SAE1: variants seen among roughly 807,000 people sequenced by gnomAD.
The protein encoded by SAE1 is SUMO1 activating enzyme subunit 1, also known as SUMO-activating enzyme subunit 1.
In SAE1, 11 loss-of-function variants were observed where a neutral mutation model predicts 40.6. The observed-to-expected ratio is 0.27, with a 90% CI of 0.17 to 0.45. SAE1 has a LOEUF of 0.45. Ranked by LOEUF, SAE1 falls within the 20% of genes least tolerant of loss-of-function variation. The pLI, the probability that SAE1 is intolerant of heterozygous loss-of-function variation, is 1.00. For missense variants in SAE1, 373 were observed against 427.3 expected (o/e 0.87, Z 1.12); for synonymous variants, 155 against 154.3 (o/e 1.00, Z -0.03).
At chr19:47,139,764 T>C (rs2058207107) in intron 1 of SAE1, among the ~76,000 whole-genome samples, 1 of 145,658 alleles carries the variant, frequency 6.9e-6, no homozygotes, top group African/African-American at 2.5e-5. Flanking sequence ...AATTTTTTTT[T>C]TTTTTTTTTT....
intron 2 of SAE1, among the ~76,000 whole-genome samples, chr19:47,149,764 C>T (rs893775132): frequency 6.6e-6 from 1 of 152,012 alleles, no homozygotes; most frequent in Non-Finnish European, 1.5e-5. Context: ...CTGCATAAGG[C>T]AAATTGCTAC....
intron 6 of SAE1, among the ~76,000 whole-genome samples, chr19:47,178,498 A>G (rs754153502): frequency 4.6e-4 from 70 of 152,314 alleles, no homozygotes; most frequent in Non-Finnish European, 8.5e-4. Context: ...TTTTTGAGAC[A>G]GAGTCTAGCT....
intron 5 of SAE1, among the ~76,000 whole-genome samples, chr19:47,164,253 C>G (rs144892207): frequency 0.013 from 1,925 of 152,240 alleles, 45 homozygotes; most frequent in African/African-American, 0.045. Context: ...ACTGCAAGCT[C>G]TGCCTCCTGG....
At chr19:47,135,229 A>G (rs1293340824) in intron 1 of SAE1, among the ~76,000 whole-genome samples, 2 of 152,110 alleles carry the variant, frequency 1.3e-5, no homozygotes, top group South Asian at 2.1e-4. Context: ...ATTATTGTTG[A>G]CTGTAGTCAC....
At chr19:47,150,128 A>G in intron 2 of SAE1, 74 bp from the exon 3 acceptor site, 4 of 1,155,640 alleles carry the variant, frequency 3.5e-6, no homozygotes, top group Non-Finnish European at 4.7e-6. Flanking sequence ...TATCCTTTAA[A>G]ATTTAAAGAT....
chr19:47,157,941 T>G (rs1303083112), intron 5 of SAE1, among the ~76,000 whole-genome samples: 1 of 152,178 alleles, frequency 6.6e-6, no homozygotes, highest in African/African-American at 2.4e-5. Flanking sequence ...TTTGTCACCT[T>G]GCAATAACAT....
chr19:47,189,609 TC>T lies in SAE1; in HGVS notation c.734-7623del, dbSNP rs1600203627. Among the ~76,000 whole-genome samples, 11 of 151,032 alleles carry T rather than the reference TC, an allele frequency of 7.3e-5. No individual in the cohort carries two copies. The East Asian group carries it at 1.9e-3, about 27-fold the overall frequency. ...AAAGTGAGCCAACCCTGGGGAGGAG[TC>T]TACGTTCAGCTGCAGGGAGCCAGGG... On this transcript the variant is annotated intron_variant, in intron 6 of 8. Transcript: ENST00000270225.
At chr19:47,196,617 C>G (rs307898) in intron 6 of SAE1, among the ~76,000 whole-genome samples, 7,125 of 151,468 alleles carry the variant, frequency 0.047, 504 homozygotes, top group African/African-American at 0.16. Context: ...CTGCCTCGGC[C>G]TCCCAAAGTG....
intron 8 of SAE1, among the ~76,000 whole-genome samples, chr19:47,208,796 A>AT (rs1178812644): frequency 1.3e-5 from 2 of 152,154 alleles, no homozygotes; most frequent in East Asian, 3.9e-4. Context: ...GGCTCAAGTG[A>AT]TTCTCCCACC....
chr19:47,137,921 G>A (rs2058192316), intron 1 of SAE1, among the ~76,000 whole-genome samples: 1 of 151,902 alleles, frequency 6.6e-6, no homozygotes, highest in Admixed American at 6.6e-5. Context: ...TAGAGACGGG[G>A]TTTTACCATG....
At chr19:47,145,945 T>G (rs2058253543) in intron 2 of SAE1, among the ~76,000 whole-genome samples, 1 of 151,872 alleles carries the variant, frequency 6.6e-6, no homozygotes, top group East Asian at 1.9e-4. Context: ...GGTTTTTTTT[T>G]TTTTTTTTTT....
chr19:47,168,162 A>G (rs942586531), intron 5 of SAE1, among the ~76,000 whole-genome samples: 35 of 152,108 alleles, frequency 2.3e-4, no homozygotes, highest in Non-Finnish European at 2.5e-4. Context: ...ACTGCACTCC[A>G]GCCTGGGTGA....
At chr19:47,152,479 A>C (rs937122536) in intron 3 of SAE1, among the ~76,000 whole-genome samples, 2 of 152,344 alleles carry the variant, frequency 1.3e-5, no homozygotes, top group African/African-American at 4.8e-5. Context: ...TTGTATTTAA[A>C]CATGACCTTT....
chr19:47,178,086 C>G (rs1026155352), intron 6 of SAE1, among the ~76,000 whole-genome samples: 2 of 151,946 alleles, frequency 1.3e-5, no homozygotes, highest in African/African-American at 4.8e-5. Flanking sequence ...ACTAAAAATA[C>G]AAAAATTAGC....
chr19:47,142,383 TTA>T, intron 1 of SAE1: 2 of 124,240 alleles, frequency 1.6e-5, no homozygotes, highest in Non-Finnish European at 3.8e-5. Context: ...GACTCTGTCT[TTA>T]AAAAAAAAAA....
chr19:47,183,052 A>T (rs1208358440), intron 6 of SAE1, among the ~76,000 whole-genome samples: 1 of 151,976 alleles, frequency 6.6e-6, no homozygotes, highest in Non-Finnish European at 1.5e-5. Flanking sequence ...AGTAGCTGGG[A>T]TTACAGGTGC....
At chr19:47,193,898 A>C (rs1052825910) in intron 6 of SAE1, among the ~76,000 whole-genome samples, 1 of 152,032 alleles carries the variant, frequency 6.6e-6, no homozygotes, top group Non-Finnish European at 1.5e-5. Context: ...AGCCCCGTCT[A>C]TACTGGACAG....
In SAE1 at chr19:47,130,864, T is replaced by G. The variant is rs1422186469; in HGVS notation, c.-67T>G. 4 of 1,543,120 alleles carry G rather than the reference T, an allele frequency of 2.6e-6. No homozygotes were observed. Among genetic ancestry groups the G allele is most frequent in the African/African-American group, 2.8e-5 (2 of 72,586 alleles). ...CGGGCGTGCTGCCGGCGGCGGTAGG[T>G]GGCGCGCGGGTCCGGCGGGCGGTTG... On this transcript the variant is annotated 5_prime_UTR_variant, in exon 1 of 9. Transcript: ENST00000270225.
chr19:47,162,230 C>G (rs998408480), intron 5 of SAE1, among the ~76,000 whole-genome samples: 2 of 152,040 alleles, frequency 1.3e-5, no homozygotes, highest in African/African-American at 4.8e-5. Context: ...ATTTTATATC[C>G]ATTTTTCTAT....
Sources: gnomAD v4.1 joint callset for allele counts (sites outside exome capture counted in the v4.1 genomes callset) on GRCh38, gnomAD v4.1.1 for gene constraint, MANE v1.5 for transcripts, NCBI Gene and HGNC (gene_info 2026-07-23, HGNC 2026-07-21) for gene names.